SSPN: variants seen among roughly 807,000 people sequenced by gnomAD.
SSPN encodes K-ras oncogene-associated protein.
Under a neutral mutation model 19.1 loss-of-function variants are expected in SSPN, and 15 were observed. The observed-to-expected ratio is 0.78, with a 90% CI of 0.52 to 1.21. SSPN has a LOEUF of 1.21. SSPN is among the 50% of genes most tolerant of loss of function. The pLI, the probability that SSPN is intolerant of heterozygous loss-of-function variation, is 0.00. For synonymous variants in SSPN, 147 were observed against 140.3 expected, an observed-to-expected ratio of 1.05 and a Z score of -0.34; for missense variants, 291 against 314.0, an observed-to-expected ratio of 0.93 and a Z score of 0.55.
At chr12:26,195,444 C>T (rs553873406), upstream of SSPN, 1 of 720,932 alleles carries the variant, frequency 1.4e-6, no homozygotes, top group Non-Finnish European at 1.9e-6. Flanking sequence ...CGGGGCCCGG[C>T]AGGCGCTGCG....
chr12:26,123,937 G>A (rs560336159), intron 1 of SSPN: 168 of 776,014 alleles, frequency 2.2e-4, no homozygotes, highest in South Asian at 1.9e-3. Context: ...CCAGTTTGCG[G>A]GAAACTCTGT....
chr12:26,122,222 C>CGCG lies in SSPN; in HGVS notation c.-31+80_-31+82dup, dbSNP rs1375835308. 630 of 1,302,010 alleles carry CGCG rather than the reference C, an allele frequency of 4.8e-4. No individual in the cohort carries two copies. The highest frequency in any genetic ancestry group is 9.2e-4 in the Admixed American group (22 of 23,820). The allele number at this position is 1,302,010 out of a possible 1,614,324, so 80.7% of individuals were successfully genotyped here. On this transcript the variant is annotated intron_variant, in intron 1 of 2. Transcript: ENST00000538142. ...GCGCCACCTCGTGCGGCAGGAGGGT[C>CGCG]GCGGCGGCGGCGCCCGCCTTCTCGG... is the stretch of plus-strand genomic sequence containing the variant.
At chr12:26,202,859 C>A (rs185957232) in intron 1 of SSPN, among the ~76,000 whole-genome samples, 85 of 152,260 alleles carry the variant, frequency 5.6e-4, no homozygotes, top group Admixed American at 4.7e-3. Context: ...TTAGTCTGTT[C>A]TCACGCTGCT....
chr12:26,148,945 A>AT (rs994048899), intron 1 of SSPN, among the ~76,000 whole-genome samples: 22 of 152,254 alleles, frequency 1.4e-4, no homozygotes, highest in African/African-American at 5.1e-4. Context: ...AAATGCCTGG[A>AT]TTTTTTAAAA....
At chr12:26,176,751 T>C (rs1944686472) in intron 1 of SSPN, among the ~76,000 whole-genome samples, 2 of 152,362 alleles carry the variant, frequency 1.3e-5, no homozygotes, top group South Asian at 4.1e-4. Context: ...TGAAGTCAGA[T>C]AGATACTTGG....
upstream of SSPN, among the ~76,000 whole-genome samples, chr12:26,193,719 C>G (rs923376180): frequency 6.6e-6 from 1 of 152,192 alleles, no homozygotes; most frequent in Admixed American, 6.5e-5. Flanking sequence ...GCCTCAGCCA[C>G]TCTGTTTTTC....
At chr12:26,142,016 G>T (rs1313770339) in intron 1 of SSPN, among the ~76,000 whole-genome samples, 1 of 152,184 alleles carries the variant, frequency 6.6e-6, no homozygotes, top group African/African-American at 2.4e-5. Context: ...GAAAGCAAAA[G>T]CCTGGTAAAA....
chr12:26,153,552 T>A (rs570041630), intron 1 of SSPN, among the ~76,000 whole-genome samples: 5 of 152,210 alleles, frequency 3.3e-5, no homozygotes, highest in Non-Finnish European at 7.3e-5. Context: ...AAATATTTTT[T>A]GAATGAATGT....
intron 1 of SSPN, among the ~76,000 whole-genome samples, chr12:26,218,118 C>T (rs2137497673): frequency 6.7e-6 from 1 of 148,874 alleles, no homozygotes; most frequent in African/African-American, 2.5e-5. Context: ...ACATATACAC[C>T]ATGGAATACT....
intron 1 of SSPN, among the ~76,000 whole-genome samples, chr12:26,217,337 A>G (rs1945064712): frequency 1.5e-5 from 2 of 137,198 alleles, no homozygotes; most frequent in Non-Finnish European, 1.6e-5. Flanking sequence ...CTTTGAAGCA[A>G]TTGTGAATGG....
chr12:26,194,626 C>T (rs914342437), upstream of SSPN, among the ~76,000 whole-genome samples: 22 of 152,200 alleles, frequency 1.4e-4, no homozygotes, highest in Admixed American at 6.5e-4. Context: ...CCTTGTGATC[C>T]GCCCACCTCG....
At chr12:26,122,642 G>T in intron 1 of SSPN, 2 of 1,308,392 alleles carry the variant, frequency 1.5e-6, no homozygotes, top group Non-Finnish European at 9.8e-7. Context: ...CCCCCGGGCC[G>T]CCGCCGCTGC....
chr12:26,228,843 G>A (rs191853324), intron 2 of SSPN, among the ~76,000 whole-genome samples: 1 of 152,234 alleles, frequency 6.6e-6, no homozygotes, highest in Non-Finnish European at 1.5e-5. Flanking sequence ...TGCATAAAAT[G>A]TAGTCACTGA....
chr12:26,204,514 T>TTCTGATGCAAAGTA (rs141901150), intron 1 of SSPN, among the ~76,000 whole-genome samples: 2 of 23,426 alleles, frequency 8.5e-5, no homozygotes, highest in Non-Finnish European at 2.3e-4. Context: ...ATACTTTGGC[T>TTCTGATGCAAAGTA]TCTGATGCAA....
chr12:26,127,103 C>T (rs1246524130), intron 1 of SSPN, among the ~76,000 whole-genome samples: 1 of 152,178 alleles, frequency 6.6e-6, no homozygotes, highest in African/African-American at 2.4e-5. Context: ...AGGTCCCCTT[C>T]TAGATTTCTG....
Position 26,158,003 on chromosome 12 carries a change from C to CT in SSPN, c.-31+35861dup, listed in dbSNP as rs1034923294. ...ATCATAAAGAAGCAATTACTTTTGT[C>CT]TTTTTTTTTTCCTTAGATTACCAAA... On this transcript the variant is annotated intron_variant, in intron 1 of 2. Transcript: ENST00000538142. Among the ~76,000 whole-genome samples, 376 of 149,152 alleles carry CT rather than the reference C, an allele frequency of 2.5e-3. 3 individuals are homozygous for CT. Among genetic ancestry groups the CT allele is most frequent in the African/African-American group, 8.4e-3 (342 of 40,754 alleles).
intron 1 of SSPN, among the ~76,000 whole-genome samples, chr12:26,222,149 C>T (rs1945128303): frequency 6.6e-6 from 1 of 152,206 alleles, no homozygotes; most frequent in Non-Finnish European, 1.5e-5. Flanking sequence ...CAGTCCATGC[C>T]ATGCTCACAT....
At chr12:26,122,813 G>A in intron 1 of SSPN, 7 of 1,590,180 alleles carry the variant, frequency 4.4e-6, no homozygotes, top group South Asian at 1.1e-5. Context: ...TGTCCGTGTC[G>A]TTCTCGGCGG....
chr12:26,128,109 G>A (rs772916088), intron 1 of SSPN, among the ~76,000 whole-genome samples: 2 of 152,220 alleles, frequency 1.3e-5, no homozygotes, highest in Non-Finnish European at 2.9e-5. Context: ...CAGTGGGTTC[G>A]AGAGTCTGGA....
Sources: allele counts gnomAD v4.1 joint callset (sites outside exome capture counted in the v4.1 genomes callset), GRCh38; gene constraint gnomAD v4.1.1; transcripts MANE v1.5; gene names NCBI Gene and HGNC (gene_info 2026-07-23, HGNC 2026-07-21).